The following DENND5A variants were observed in gnomAD, a reference collection of about 807,000 sequenced individuals.
DENND5A encodes DENN domain containing 5A, also known as DENN domain-containing protein 5A.
A neutral mutation model predicts 140.3 loss-of-function variants in DENND5A; 64 were observed. The observed-to-expected ratio is 0.46, with a 90% CI of 0.37 to 0.56. The LOEUF is 0.56. DENND5A is among the 20% of genes least tolerant of loss of function. The pLI, the probability that DENND5A is intolerant of heterozygous loss-of-function variation, is 0.00. For synonymous variants in DENND5A, 605 were observed against 607.7 expected (o/e 1.00, Z 0.07); for missense variants, 1,292 against 1,593.8 (o/e 0.81, Z 3.22).
chr11:9,164,883 A>G (rs1564890626), intron 11 of DENND5A, among the ~76,000 whole-genome samples: 1 of 152,248 alleles, frequency 6.6e-6, no homozygotes, highest in African/African-American at 2.4e-5. Context: ...CCAGCTACTC[A>G]GGAAGCTGAG....
intron 1 of DENND5A, among the ~76,000 whole-genome samples, chr11:9,261,956 A>C (rs1852221123): frequency 6.6e-6 from 1 of 152,002 alleles, no homozygotes; most frequent in Non-Finnish European, 1.5e-5. Flanking sequence ...AAAAAACAGA[A>C]AATACCCCTC....
Position 9,178,003 on chromosome 11 carries a change from A to C in DENND5A, c.1906+129T>G, listed in dbSNP as rs1402364155. The C allele has an allele frequency of 9.8e-6, 7 of 712,962 alleles. No individual in the cohort carries two copies. The African/African-American group carries it at 1.1e-4, about 11-fold the overall frequency. The allele number at this position is 712,962 out of a possible 1,614,324, so 44.2% of individuals were successfully genotyped here. On this transcript the variant is annotated intron_variant, in intron 8 of 22. Transcript: ENST00000328194. ...CCAGGCAAAAAGAAAACAAGGAAGA[A>C]GACTGCAGGCAATGGGAACCACATA... is the stretch of plus-strand genomic sequence containing the variant.
At chr11:9,224,643 G>A (rs1009951199) in intron 1 of DENND5A, among the ~76,000 whole-genome samples, 2 of 151,944 alleles carry the variant, frequency 1.3e-5, no homozygotes, top group Non-Finnish European at 2.9e-5. Flanking sequence ...GGCAGATCAC[G>A]AGGTCAGGAG....
chr11:9,170,973 G>A (rs745549058), intron 8 of DENND5A, 196 bp from the exon 9 acceptor site: 26 of 939,246 alleles, frequency 2.8e-5, no homozygotes, highest in Non-Finnish European at 3.6e-5. Context: ...CAGAATACTG[G>A]ACATCAGGCA....
intron 14 of DENND5A, 122 bp downstream of exon 14, chr11:9,150,558 A>C: frequency 1.5e-6 from 1 of 680,904 alleles, no homozygotes. Context: ...TGTGATTAGG[A>C]GGGCTTCCAT....
At chr11:9,183,803 G>T (rs1451706194) in intron 5 of DENND5A, among the ~76,000 whole-genome samples, 1 of 152,052 alleles carries the variant, frequency 6.6e-6, no homozygotes, top group Non-Finnish European at 1.5e-5. Flanking sequence ...CCATTTTGTT[G>T]TGTGTAGCCA....
At chr11:9,197,312 AT>A (rs746709084) in intron 4 of DENND5A, among the ~76,000 whole-genome samples, 4 of 147,026 alleles carry the variant, frequency 2.7e-5, no homozygotes, top group African/African-American at 5.0e-5. Context: ...CTCAAAAAAA[AT>A]ATATATATAT....
rs761000239 is a variant in DENND5A at position 9,203,911 on chromosome 11, G to C, written c.698C>G (p.Pro233Arg). 6.2e-7 allele frequency: 1 copy of C among 1,614,142 alleles called. No individual in the cohort carries two copies. The highest frequency in any genetic ancestry group is 8.5e-7 in the Non-Finnish European group (1 of 1,180,018). The change falls in exon 4 of 23, where the codon CCT (proline) becomes CGT (arginine). Residue 233 changes from proline (P) to arginine (R), a missense_variant. Around this residue, in one of 4 missense-constraint regions of DENND5A, gnomAD observed 566 missense variants for 650.4 expected, o/e 0.87. Coordinates refer to ENST00000328194, the MANE Select transcript of DENND5A (RefSeq NM_015213.4). ...LEQLHQAVTS[P>R]QPPPLPLESY... ...CTCAAGGGGCAGTGGAGGGGGCTGA[G>C]GTGAAGTGACTGCCTGGTGGAGTTG...
intron 1 of DENND5A, among the ~76,000 whole-genome samples, chr11:9,233,345 G>A (rs1222862836): frequency 8.0e-5 from 12 of 150,108 alleles, no homozygotes; most frequent in Non-Finnish European, 1.8e-4. Flanking sequence ...GTTGGAGTGA[G>A]CTGAGATCGC....
At chr11:9,245,876 C>T (rs573554566) in intron 1 of DENND5A, among the ~76,000 whole-genome samples, 172 of 152,218 alleles carry the variant, frequency 1.1e-3, no homozygotes, top group African/African-American at 3.0e-3. Flanking sequence ...TCAGGTGATC[C>T]GCCTGCCTCA....
chr11:9,165,504 A>ACTTCCCAGGT (rs1848159958), intron 11 of DENND5A, among the ~76,000 whole-genome samples: 1 of 151,980 alleles, frequency 6.6e-6, no homozygotes, highest in African/African-American at 2.4e-5. Context: ...CAGTGGTGCC[A>ACTTCCCAGGT]TCATAGCTCA....
rs35616166 is a variant in DENND5A at position 9,195,086 on chromosome 11, CTT to C, written c.950-1407_950-1406del. ...AGCCAATAAAATTGACTAGTTAAAACTTTTTTTTTTTTTTTGACGGAGTTTTG... is the reference window on the plus strand; with the variant it reads ...AGCCAATAAAATTGACTAGTTAAAACTTTTTTTTTTTTTGACGGAGTTTTG... On this transcript the variant is annotated intron_variant, in intron 4 of 22. Transcript: ENST00000328194. Among the ~76,000 whole-genome samples the C allele has an allele frequency of 1.9e-3, 237 of 128,032 alleles. 2 individuals are homozygous for C. In the East Asian group the frequency reaches 0.024, roughly 13 times the overall value. The allele number at this position is 128,032 out of a possible 152,430, so 84.0% of individuals were successfully genotyped here. A position where few individuals can be genotyped will look rare whatever the true frequency, so the allele number is the denominator to read the frequency against.
At chr11:9,257,778 A>G (rs369090440) in intron 1 of DENND5A, among the ~76,000 whole-genome samples, 99 of 146,558 alleles carry the variant, frequency 6.8e-4, no homozygotes, top group African/African-American at 1.6e-3. Context: ...CACCGCGCCC[A>G]GCCAACACAC....
At chr11:9,156,092 T>C (rs376121726) in intron 12 of DENND5A, among the ~76,000 whole-genome samples, 5 of 152,084 alleles carry the variant, frequency 3.3e-5, no homozygotes, top group African/African-American at 4.8e-5. Flanking sequence ...GACCGCTGGA[T>C]TGGAAGATAA....
At chr11:9,175,703 A>G (rs1848525450) in intron 8 of DENND5A, 1 of 152,172 alleles carries the variant, frequency 6.6e-6, no homozygotes, top group Admixed American at 6.5e-5. Flanking sequence ...GACTAATAAC[A>G]TTTTGACAAA....
chr11:9,226,949 A>G (rs1442227897), intron 1 of DENND5A, among the ~76,000 whole-genome samples: 2 of 152,120 alleles, frequency 1.3e-5, no homozygotes, highest in South Asian at 4.1e-4. Context: ...CGGGCAGATC[A>G]CCTGAGGTCA....
intron 1 of DENND5A, among the ~76,000 whole-genome samples, chr11:9,229,103 C>T (rs1564927934): frequency 6.6e-6 from 1 of 152,000 alleles, no homozygotes; most frequent in African/African-American, 2.4e-5. Flanking sequence ...GTGCACTAAG[C>T]CTAGGCAGTT....
intron 11 of DENND5A, 118 bp downstream of exon 11, chr11:9,165,718 G>A (rs1461674267): frequency 1.6e-6 from 2 of 1,237,560 alleles, no homozygotes; most frequent in Non-Finnish European, 2.3e-6. Flanking sequence ...ACAGGCATGA[G>A]CCATCACGCC....
chr11:9,259,382 C>A (rs1852091378), intron 1 of DENND5A, among the ~76,000 whole-genome samples: 1 of 151,654 alleles, frequency 6.6e-6, no homozygotes, highest in Non-Finnish European at 1.5e-5. Flanking sequence ...CACGGTGACA[C>A]CCCATCTCTA....
Sources: allele counts gnomAD v4.1 joint callset (sites outside exome capture counted in the v4.1 genomes callset), GRCh38; gene constraint gnomAD v4.1.1; regional missense constraint gnomAD v4.1.1; transcripts MANE v1.5; gene names NCBI Gene and HGNC (gene_info 2026-07-23, HGNC 2026-07-21).